ABCC12: variants seen among roughly 807,000 people sequenced by gnomAD.
ABCC12 encodes the protein ATP-binding cassette sub-family C member 12.
In ABCC12, 142 loss-of-function variants were observed where a neutral mutation model predicts 151.1. The ratio of observed to expected loss-of-function variants is 0.94; its 90% CI spans 0.82 to 1.08. The LOEUF (loss-of-function observed/expected upper bound fraction) is 1.08, where lower values mean the gene tolerates loss of function less well. ABCC12 is among the 50% of genes least tolerant of loss of function. The pLI is 0.00. For synonymous variants in ABCC12, 645 were observed against 646.4 expected (o/e 1.00, Z 0.03); for missense variants, 1,638 against 1,691.1 (o/e 0.97, Z 0.55).
chr16:48,151,053 A>C (rs939906354), intron 2 of ABCC12, among the ~76,000 whole-genome samples: 16 of 152,156 alleles, frequency 1.1e-4, no homozygotes, highest in African/African-American at 3.9e-4. Flanking sequence ...CTAGAATCCA[A>C]TGCTTCCAAG....
At chr16:48,130,350 T>G (rs978253702) in intron 10 of ABCC12, among the ~76,000 whole-genome samples, 1 of 152,144 alleles carries the variant, frequency 6.6e-6, no homozygotes, top group African/African-American at 2.4e-5. Flanking sequence ...ACAAAGTAAA[T>G]CTTTGATGAG....
At chr16:48,085,515 G>T in intron 29 of ABCC12, 78 bp downstream of exon 29, 1 of 1,223,028 alleles carries the variant, frequency 8.2e-7, no homozygotes, top group Non-Finnish European at 1.2e-6. Flanking sequence ...AGACATACAC[G>T]TGGCTCTGCC....
intron 7 of ABCC12, 32 bp downstream of exon 7, chr16:48,139,131 A>C: frequency 6.5e-7 from 1 of 1,549,226 alleles, no homozygotes; most frequent in Non-Finnish European, 8.7e-7. Context: ...TGCAAATACA[A>C]AGCAGTTAGA....
At chr16:48,085,397 T>C (rs1962543471) in intron 29 of ABCC12, among the ~76,000 whole-genome samples, 196 bp downstream of exon 29, 1 of 152,068 alleles carries the variant, frequency 6.6e-6, no homozygotes, top group African/African-American at 2.4e-5. Context: ...GAGGGGAAGG[T>C]GCTCTTGCTG....
rs200224628 is a variant in ABCC12, at chr16:48,104,136, G to C, written c.2900+6C>G. On this transcript the variant is annotated splice_donor_region_variant and intron_variant, in intron 22 of 30. Transcript: ENST00000311303. ...GTTTTCTCGTGTAAATAGCACATGG[G>C]CCTACCGTAACAGAATGAAGAAGCC... 7 of 1,613,174 alleles carry C rather than the reference G, an allele frequency of 4.3e-6. No individual in the cohort carries two copies. In the East Asian group the frequency reaches 1.6e-4, roughly 36 times the overall value.
At chr16:48,113,729 C>T (rs1204221776) in intron 15 of ABCC12, among the ~76,000 whole-genome samples, 7 of 152,166 alleles carry the variant, frequency 4.6e-5, no homozygotes, top group East Asian at 3.9e-4. Context: ...TAAAATGACA[C>T]GGGAAGGTGG....
chr16:48,139,351 G>A lies in ABCC12; in HGVS notation c.658-15C>T, dbSNP rs1271023389. The A allele has an allele frequency of 3.1e-6, 5 of 1,592,866 alleles. No homozygotes were observed. Among genetic ancestry groups the A allele is most frequent in the South Asian group, 1.2e-5 (1 of 86,810 alleles). On this transcript the variant is annotated splice_polypyrimidine_tract_variant and intron_variant, in intron 6 of 30. Transcript: ENST00000311303. ...ATATTGAGCACCTGGAAAGAAAAGC[G>A]CAAAGGTTCAGGCTTTGGAAGAGTC...
At position 48,083,147 on chromosome 16, in the gene ABCC12, C is replaced by A. The variant is rs1962416082; in HGVS notation, c.*568G>T. On this transcript the variant is annotated 3_prime_UTR_variant, in exon 31 of 31. Transcript: ENST00000311303. Reference sequence around the variant, plus strand: ...CATTTTGTTTTCTTGGTTATTCTAACAGATCAATTGAAACATATAATATGA... The same window carrying A: ...CATTTTGTTTTCTTGGTTATTCTAAAAGATCAATTGAAACATATAATATGA... The A allele has an allele frequency of 6.6e-6, 1 of 152,202 alleles. No homozygotes were observed. Among genetic ancestry groups the A allele is most frequent in the South Asian group, 2.1e-4 (1 of 4,830 alleles). The allele number at this position is 152,202 out of a possible 1,614,324, so 9.4% of individuals were successfully genotyped here.
chr16:48,117,609 C>T (rs1420799246), intron 13 of ABCC12, among the ~76,000 whole-genome samples: 3 of 152,224 alleles, frequency 2.0e-5, no homozygotes, highest in East Asian at 1.9e-4. Flanking sequence ...CAACGCTGAA[C>T]AGGAAAGCCC....
intron 22 of ABCC12, among the ~76,000 whole-genome samples, chr16:48,102,396 C>T (rs985431710): frequency 6.6e-6 from 1 of 151,878 alleles, no homozygotes; most frequent in Non-Finnish European, 1.5e-5. Context: ...GGCTTGCTCC[C>T]ATCCTGTGGG....
chr16:48,104,189 G>C lies in ABCC12; in HGVS notation c.2853C>G (p.Val951=). ...LVILAAVFPA[V]LLVVASLAVG... The stretch of plus-strand genomic sequence containing the variant: ...CAGCAAGGCTGGCCACGACTAAAAG[G>C]ACAGCAGGAAACACAGCAGCCAAGA... The change falls in exon 22 of 31, where the codon GTC becomes GTG. Residue 951 remains valine (V), a synonymous_variant. Coordinates refer to ENST00000311303, the MANE Select transcript of ABCC12 (RefSeq NM_001393797.1). 1 of 1,614,202 alleles carries C rather than the reference G, an allele frequency of 6.2e-7. No individual in the cohort carries two copies. The highest frequency in any genetic ancestry group is 2.2e-5 in the East Asian group (1 of 44,882).
At chr16:48,131,357 C>T (rs1386141667) in intron 9 of ABCC12, among the ~76,000 whole-genome samples, 1 of 152,134 alleles carries the variant, frequency 6.6e-6, no homozygotes, top group Non-Finnish European at 1.5e-5. Flanking sequence ...CCGGAGGCTC[C>T]CTGGAGGGAC....
At chr16:48,148,403 A>C (rs1965069309) in intron 2 of ABCC12, among the ~76,000 whole-genome samples, 1 of 151,748 alleles carries the variant, frequency 6.6e-6, no homozygotes, top group Non-Finnish European at 1.5e-5. Context: ...TGTCCAGCTA[A>C]TTTTTGTATT....
rs564248243 is a variant in ABCC12, at chr16:48,101,588, G to A, written c.2901-579C>T. 1.7e-3 allele frequency among the ~76,000 whole-genome samples: 255 copies of A among 152,056 alleles called. 1 individual carries two copies. The highest frequency in any genetic ancestry group is 6.8e-3 in the Middle Eastern group (2 of 294). ...TGTTTACAGCAGCTGGCTGGCCCCC[G>A]AGAGAGAAGACAATCAAACCTCCAG... On this transcript the variant is annotated intron_variant, in intron 22 of 30. Transcript: ENST00000311303.
intron 2 of ABCC12, among the ~76,000 whole-genome samples, chr16:48,149,014 T>A (rs16945904): frequency 0.032 from 4,882 of 151,898 alleles, 251 homozygotes; most frequent in African/African-American, 0.11. Flanking sequence ...ATAGTAAGTA[T>A]GAGAAACAAC....
In ABCC12 at chr16:48,105,216, C is replaced by T; in HGVS notation, c.2596G>A (p.Gly866Ser). ...TASMVFMLVF[G>S]VTKGFVFTKT... ...GTGAAGACGAAGCCTTTGGTGACGC[C>T]AAACACCAGCATGAACACCATGCTT... The change falls in exon 21 of 31, where the codon GGC becomes AGC. Residue 866 changes from glycine (G) to serine (S), a missense_variant. Coordinates refer to ENST00000311303, the MANE Select transcript of ABCC12 (RefSeq NM_001393797.1). The T allele has an allele frequency of 6.2e-7, 1 of 1,614,186 alleles. No homozygotes were observed. Among genetic ancestry groups the T allele is most frequent in the Non-Finnish European group, 8.5e-7 (1 of 1,180,040 alleles).
At chr16:48,129,068 G>A (rs928516594) in intron 10 of ABCC12, among the ~76,000 whole-genome samples, 2 of 152,206 alleles carry the variant, frequency 1.3e-5, no homozygotes, top group Non-Finnish European at 2.9e-5. Flanking sequence ...GGCACTAAAT[G>A]CTTATGAAAT....
Position 48,144,077 on chromosome 16 carries a change from C to A in ABCC12, c.120-12G>T, listed in dbSNP as rs1443588341. On this transcript the variant is annotated splice_polypyrimidine_tract_variant and intron_variant, in intron 3 of 30. Transcript: ENST00000311303. ...GGTTGGGTGCTAACCTGCAGACAAA[C>A]AAGACACTCAGCGTTCCAGGCACTG... 4 of 1,608,800 alleles carry A rather than the reference C, an allele frequency of 2.5e-6. No homozygotes were observed. The African/African-American group carries it at 4.0e-5, about 16-fold the overall frequency.
At chr16:48,122,573 G>A (rs535614530) in intron 12 of ABCC12, among the ~76,000 whole-genome samples, 1 of 152,210 alleles carries the variant, frequency 6.6e-6, no homozygotes, top group East Asian at 1.9e-4. Flanking sequence ...GGTACATGTG[G>A]GGCAGGCCAC....
Sources: gnomAD v4.1 joint callset for allele counts (sites outside exome capture counted in the v4.1 genomes callset) on GRCh38, gnomAD v4.1.1 for gene constraint, MANE v1.5 for transcripts, NCBI Gene and HGNC (gene_info 2026-07-23, HGNC 2026-07-21) for gene names.